Variants in TCF7L2 observed in about 807,000 individuals in gnomAD.
The protein encoded by TCF7L2 is transcription factor 7 like 2.
TCF7L2 carries 23 observed loss-of-function variants against 77.9 expected under a neutral mutation model. That is an observed-to-expected ratio of 0.30 (90% CI 0.21 to 0.42). The LOEUF is 0.42. TCF7L2 is among the 10% of genes least tolerant of loss of function. The pLI, the probability that TCF7L2 is intolerant of heterozygous loss-of-function variation, is 1.00. For synonymous variants in TCF7L2, 413 were observed against 340.2 expected, an observed-to-expected ratio of 1.21 and a Z score of -2.36; for missense variants, 654 against 793.1, an observed-to-expected ratio of 0.82 and a Z score of 2.11.
intron 5 of TCF7L2, among the ~76,000 whole-genome samples, chr10:113,067,520 T>G (rs2057409022): frequency 1.3e-5 from 2 of 152,252 alleles, no homozygotes; most frequent in South Asian, 4.1e-4. Context: ...GTTGCTGAGC[T>G]TCTCTTGCAA....
chr10:112,970,527 G>T (rs1432986672), intron 4 of TCF7L2, among the ~76,000 whole-genome samples: 1 of 151,830 alleles, frequency 6.6e-6, no homozygotes, highest in Non-Finnish European at 1.5e-5. Flanking sequence ...AGTCTTGTCC[G>T]TGTCTTAACA....
rs34213176 is a variant in TCF7L2 at position 113,124,202 on chromosome 10, T to A, written c.553-16982T>A. ...GAGAAAGTAGAAACCTTAAAAAAAA[T>A]TTTTTTTATGAGAACTTTGCCATCT... On this transcript the variant is annotated intron_variant, in intron 5 of 13. Coordinates refer to ENST00000627217, the MANE Select transcript of TCF7L2 (RefSeq NM_001146274.2). Among the ~76,000 whole-genome samples, 25 of 105,212 alleles carry A rather than the reference T, an allele frequency of 2.4e-4. No individual in the cohort carries two copies. In the East Asian group the frequency reaches 3.0e-3, roughly 13 times the overall value. The allele number at this position is 105,212 out of a possible 152,430, so 69.0% of individuals were successfully genotyped here.
intron 4 of TCF7L2, among the ~76,000 whole-genome samples, chr10:113,016,386 A>G (rs2047346382): frequency 1.3e-5 from 2 of 152,178 alleles, no homozygotes; most frequent in African/African-American, 4.8e-5. Context: ...TTTAAAGTTT[A>G]CTAAATTTAA....
chr10:112,990,727 T>A (rs1488805309), intron 4 of TCF7L2, among the ~76,000 whole-genome samples: 4 of 151,756 alleles, frequency 2.6e-5, no homozygotes, highest in African/African-American at 9.7e-5. Flanking sequence ...AATAAATAAA[T>A]AAAAAATAAA....
At chr10:113,014,063 G>A (rs2046916177) in intron 4 of TCF7L2, among the ~76,000 whole-genome samples, 1 of 152,220 alleles carries the variant, frequency 6.6e-6, no homozygotes, top group African/African-American at 2.4e-5. Flanking sequence ...GCAAAAAGAA[G>A]TTGAGTTAAC....
chr10:112,970,700 A>G (rs1003421685), intron 4 of TCF7L2, among the ~76,000 whole-genome samples: 1 of 152,086 alleles, frequency 6.6e-6, no homozygotes, highest in Non-Finnish European at 1.5e-5. Context: ...CTCCCACTTC[A>G]GGTTTTTGAT....
At chr10:113,104,202 C>T (rs560299325) in intron 5 of TCF7L2, among the ~76,000 whole-genome samples, 26 of 152,230 alleles carry the variant, frequency 1.7e-4, no homozygotes, top group African/African-American at 6.0e-4. Context: ...GAAGGATTTG[C>T]CTTTGTTAAA....
At chr10:113,094,036 C>G (rs773310654) in intron 5 of TCF7L2, among the ~76,000 whole-genome samples, 1 of 152,194 alleles carries the variant, frequency 6.6e-6, no homozygotes, top group Non-Finnish European at 1.5e-5. Flanking sequence ...TTGACCTACC[C>G]TTTTGCTGGT....
In TCF7L2 at chr10:113,143,999, C is replaced by A. The variant is rs777596323; in HGVS notation, c.762C>A (p.Pro254=). The A allele has an allele frequency of 1.2e-6, 2 of 1,614,126 alleles. No homozygotes were observed. Among genetic ancestry groups the A allele is most frequent in the South Asian group, 1.1e-5 (1 of 91,076 alleles). ...CGCCTGGCACCGTAGGACAAATCCC[C>A]CATCCGCTAGGATGGTTAGTACCAC... The change falls in exon 7 of 14, where the codon CCC becomes CCA. Residue 254 remains proline (P), a synonymous_variant. Coordinates refer to ENST00000627217, the MANE Select transcript of TCF7L2 (RefSeq NM_001146274.2).
intron 13 of TCF7L2, 97 bp from the exon 15 acceptor site, chr10:113,165,458 C>T (rs763604708): frequency 1.1e-4 from 145 of 1,371,234 alleles, no homozygotes; most frequent in Non-Finnish European, 1.4e-4. Context: ...TGTGGGACAT[C>T]CCTTAGGTGA....
At chr10:112,982,518 A>G (rs2040662763) in intron 4 of TCF7L2, among the ~76,000 whole-genome samples, 1 of 152,148 alleles carries the variant, frequency 6.6e-6, no homozygotes, top group South Asian at 2.1e-4. Flanking sequence ...GTGGTGATAT[A>G]TTGTGGCGCA....
intron 5 of TCF7L2, among the ~76,000 whole-genome samples, chr10:113,096,294 A>C (rs2060965499): frequency 6.6e-6 from 1 of 152,130 alleles, no homozygotes; most frequent in African/African-American, 2.4e-5. Flanking sequence ...TTGGAAATGG[A>C]GAGGAACCAT....
intron 5 of TCF7L2, among the ~76,000 whole-genome samples, chr10:113,087,640 G>C (rs558882605): frequency 6.6e-6 from 1 of 152,164 alleles, no homozygotes; most frequent in Non-Finnish European, 1.5e-5. Flanking sequence ...TAGACCTCCA[G>C]GGGTGGAGAA....
At chr10:113,149,290 T>G (rs2070220675) in intron 8 of TCF7L2, among the ~76,000 whole-genome samples, 1 of 152,230 alleles carries the variant, frequency 6.6e-6, no homozygotes, top group Non-Finnish European at 1.5e-5. Flanking sequence ...TGTTAGCATG[T>G]TTGTTTCCTT....
chr10:113,004,021 G>T (rs1000217954), intron 4 of TCF7L2, among the ~76,000 whole-genome samples: 1 of 152,332 alleles, frequency 6.6e-6, no homozygotes, highest in East Asian at 1.9e-4. Flanking sequence ...TCCCATTGGG[G>T]TGTCACAGAC....
At chr10:113,052,174 C>T (rs1334865921) in intron 5 of TCF7L2, among the ~76,000 whole-genome samples, 1 of 152,192 alleles carries the variant, frequency 6.6e-6, no homozygotes, top group Non-Finnish European at 1.5e-5. Flanking sequence ...CCCCGAAAGG[C>T]TACAGTGTTG....
At chr10:113,086,917 A>G (rs2059898452) in intron 5 of TCF7L2, among the ~76,000 whole-genome samples, 1 of 152,154 alleles carries the variant, frequency 6.6e-6, no homozygotes, top group South Asian at 2.1e-4. Flanking sequence ...GAAATGAATA[A>G]TTAAGAACAT....
chr10:113,036,112 TCAC>T (rs2051161267), intron 4 of TCF7L2, among the ~76,000 whole-genome samples: 1 of 112,438 alleles, frequency 8.9e-6, no homozygotes, highest in Admixed American at 1.1e-4. Context: ...ATCATCATCA[TCAC>T]CATCATCATC....
chr10:113,159,184 T>C (rs2072605602), intron 12 of TCF7L2, among the ~76,000 whole-genome samples: 1 of 152,166 alleles, frequency 6.6e-6, no homozygotes. Context: ...TTTGCTTTTC[T>C]GCTCATAATT....
Sources: gnomAD v4.1 joint callset for allele counts (sites outside exome capture counted in the v4.1 genomes callset) on GRCh38, gnomAD v4.1.1 for gene constraint, MANE v1.5 for transcripts, NCBI Gene and HGNC (gene_info 2026-07-23, HGNC 2026-07-21) for gene names.